The following CCDC144A variants were observed in gnomAD, a reference collection of about 807,000 sequenced individuals.
The protein encoded by CCDC144A is coiled-coil domain-containing protein 144A.
Under a neutral mutation model 143.8 loss-of-function variants are expected in CCDC144A, and 41 were observed. The observed-to-expected ratio is 0.29, with a 90% CI of 0.22 to 0.37. The LOEUF (loss-of-function observed/expected upper bound fraction) is 0.37. Ranked by LOEUF, CCDC144A falls within the 10% of genes least tolerant of loss-of-function variation. The pLI is 1.00. For missense variants in CCDC144A, 637 were observed against 1,488.8 expected, an observed-to-expected ratio of 0.43 and a Z score of 9.41; for synonymous variants, 242 against 517.9, an observed-to-expected ratio of 0.47 and a Z score of 7.23.
At chr17:16,667,285 G>C in the CCDC144A span, among the ~76,000 whole-genome samples, 1 of 125,562 alleles carries the variant, frequency 8.0e-6, no homozygotes, top group African/African-American at 2.6e-5. Context: ...AGGGGCTGAG[G>C]GGTTGAGGCG....
Position 16,709,533 on chromosome 17 carries a change from T to G in CCDC144A, c.1476T>G (p.His492Gln). ...DSDRTSEVYL[H>Q]EELQQDMQKF... Reference sequence around the variant, plus strand: ...ACAGAACATCAGAAGTATATCTACATGAAGAATTACAGCAAGACATGCAAA... The same window carrying G: ...ACAGAACATCAGAAGTATATCTACAGGAAGAATTACAGCAAGACATGCAAA... The change falls in exon 5 of 17, where the codon CAT (histidine) becomes CAG (glutamine). Residue 492 changes from histidine to glutamine, a missense_variant. Transcript: ENST00000399273. The G allele has an allele frequency of 1.2e-6, 2 of 1,611,658 alleles. No homozygotes were observed.
At chr17:16,772,111 G>T in intron 16 of CCDC144A, 92 bp downstream of exon 16, 1 of 740,722 alleles carries the variant, frequency 1.4e-6, no homozygotes, top group Non-Finnish European at 2.2e-6. Flanking sequence ...TCTTGGGCTA[G>T]TAGATACTAC....
At chr17:16,729,812 G>A (rs1317873183) in intron 9 of CCDC144A, among the ~76,000 whole-genome samples, 3 of 148,176 alleles carry the variant, frequency 2.0e-5, no homozygotes, top group Non-Finnish European at 1.5e-5. Flanking sequence ...CTTGGCCTCC[G>A]TGTCACTGCA....
upstream of CCDC144A, among the ~76,000 whole-genome samples, chr17:16,684,887 G>T (rs774489995): frequency 1.3e-5 from 2 of 152,106 alleles, no homozygotes; most frequent in African/African-American, 4.8e-5. Context: ...ACTTGAGCTG[G>T]GGAGGTCGAG....
the CCDC144A span, among the ~76,000 whole-genome samples, chr17:16,677,718 A>G: frequency 2.0e-5 from 3 of 151,878 alleles, no homozygotes; most frequent in Admixed American, 2.0e-4. Flanking sequence ...TCAGGAGGCT[A>G]ATCACTTGAA....
upstream of CCDC144A, among the ~76,000 whole-genome samples, chr17:16,686,804 C>T (rs948797849): frequency 1.0e-4 from 15 of 150,392 alleles, no homozygotes; most frequent in East Asian, 5.8e-4. Context: ...GAAATACAGG[C>T]GGTGTTTCAG....
intron 9 of CCDC144A, 74 bp downstream of exon 9, chr17:16,727,814 C>A: frequency 2.1e-6 from 3 of 1,447,632 alleles, no homozygotes; most frequent in Non-Finnish European, 2.8e-6. Flanking sequence ...TGCTGACTTA[C>A]CTTCTGCAGA....
intron 12 of CCDC144A, among the ~76,000 whole-genome samples, chr17:16,736,343 C>T (rs1914001699): frequency 6.6e-6 from 1 of 151,418 alleles, no homozygotes; most frequent in Admixed American, 6.6e-5. Flanking sequence ...AACTCCTGAC[C>T]TCAGGTGATC....
At chr17:16,696,434 A>G (rs1911411501) in intron 2 of CCDC144A, among the ~76,000 whole-genome samples, 1 of 151,078 alleles carries the variant, frequency 6.6e-6, no homozygotes, top group Admixed American at 6.6e-5. Context: ...GATCGAGACC[A>G]TCCTGGCCAA....
the CCDC144A span, among the ~76,000 whole-genome samples, chr17:16,679,523 G>C: frequency 6.6e-6 from 1 of 151,646 alleles, no homozygotes; most frequent in Non-Finnish European, 1.5e-5. Flanking sequence ...TACACAGAGG[G>C]GCCTTAACAC....
rs1177727078 is a variant in CCDC144A at position 16,777,389 on chromosome 17, C to T, written c.*3756C>T. ...TAACAGATGCTTACAGAACATTCTA[C>T]CCAACAAGCATAGAATATACATTGT... On this transcript the variant is annotated 3_prime_UTR_variant, in exon 17 of 17. Transcript: ENST00000399273. The T allele has an allele frequency of 1.6e-4, 25 of 152,022 alleles. No individual in the cohort carries two copies. Among genetic ancestry groups the T allele is most frequent in the African/African-American group, 5.6e-4 (23 of 41,344 alleles). The allele number at this position is 152,022 out of a possible 1,614,324, so 9.4% of individuals were successfully genotyped here.
chr17:16,667,277 G>GC, the CCDC144A span, among the ~76,000 whole-genome samples: 576 of 131,444 alleles, frequency 4.4e-3, 12 homozygotes, highest in East Asian at 0.072. Flanking sequence ...GGCGGCTGAG[G>GC]GGCTGAGGGG....
At chr17:16,704,158 A>C (rs1911904413) in intron 2 of CCDC144A, among the ~76,000 whole-genome samples, 2 of 152,126 alleles carry the variant, frequency 1.3e-5, no homozygotes, top group Non-Finnish European at 2.9e-5. Context: ...TTGTCTTAAA[A>C]AATTTAAATC....
chr17:16,747,492 T>A (rs28786139), intron 12 of CCDC144A, among the ~76,000 whole-genome samples: 16,529 of 151,984 alleles, frequency 0.11, 866 homozygotes, highest in South Asian at 0.27. Flanking sequence ...ATTGAATCTG[T>A]AGATTGCTTT....
At chr17:16,724,451 A>G (rs978331186) in intron 8 of CCDC144A, among the ~76,000 whole-genome samples, 1 of 149,754 alleles carries the variant, frequency 6.7e-6, no homozygotes, top group Admixed American at 6.8e-5. Flanking sequence ...CGGAGCTTGC[A>G]GTGAGCCGAG....
chr17:16,705,794 A>G (rs558022627), intron 3 of CCDC144A: 40 of 252,094 alleles, frequency 1.6e-4, no homozygotes, highest in African/African-American at 7.8e-4. Flanking sequence ...TATATGCACT[A>G]CAATTTAAAA....
upstream of CCDC144A, among the ~76,000 whole-genome samples, chr17:16,686,103 T>G (rs1373435073): frequency 2.7e-5 from 4 of 147,156 alleles, no homozygotes; most frequent in East Asian, 2.0e-4. Context: ...TTTTTTTTTT[T>G]TTTTTTTTTG....
At position 16,769,516 on chromosome 17, in the gene CCDC144A, A is replaced by G. The variant is rs547872666; in HGVS notation, c.4099-2461A>G. Among the ~76,000 whole-genome samples the G allele has an allele frequency of 7.5e-4, 115 of 152,332 alleles. 1 individual carries two copies. Among genetic ancestry groups the G allele is most frequent in the African/African-American group, 2.7e-3 (111 of 41,562 alleles). ...CTATAAATAACTCACAACATGGATA[A>G]TTGACTTGATTGATTTTCCTAAACC... On this transcript the variant is annotated intron_variant, in intron 15 of 16. Transcript: ENST00000399273.
intron 12 of CCDC144A, among the ~76,000 whole-genome samples, chr17:16,736,925 T>TA (rs1488854713): frequency 6.6e-6 from 1 of 152,190 alleles, no homozygotes; most frequent in African/African-American, 2.4e-5. Flanking sequence ...CCCACCCACG[T>TA]ACCAAATTCT....
Sources: allele counts gnomAD v4.1 joint callset (sites outside exome capture counted in the v4.1 genomes callset), GRCh38; gene constraint gnomAD v4.1.1; transcripts MANE v1.5; gene names NCBI Gene and HGNC (gene_info 2026-07-23, HGNC 2026-07-21).